The following TRPM3 variants were observed in gnomAD, a reference collection of about 807,000 sequenced individuals.
TRPM3 encodes the protein transient receptor potential cation channel subfamily M member 3, also known as long transient receptor potential channel 3.
TRPM3 carries 77 observed loss-of-function variants against 181.2 expected under a neutral mutation model. That is an observed-to-expected ratio of 0.42 (90% CI 0.35 to 0.51). The LOEUF (loss-of-function observed/expected upper bound fraction) is 0.51, where lower values mean the gene tolerates loss of function less well. Among genes scored for constraint, TRPM3 ranks in the 20% least tolerant of loss-of-function variants. The pLI is 0.01. For missense variants in TRPM3, 1,759 were observed against 2,196.7 expected (o/e 0.80, Z 3.98); for synonymous variants, 745 against 796.4 (o/e 0.94, Z 1.09).
At chr9:70,699,030 T>C (rs1011643358) in intron 8 of TRPM3, among the ~76,000 whole-genome samples, 1 of 152,178 alleles carries the variant, frequency 6.6e-6, no homozygotes, top group Non-Finnish European at 1.5e-5. Context: ...AAAACACACA[T>C]CCTCAGCAAA....
At chr9:70,894,213 G>T (rs1402678615) in intron 1 of TRPM3, among the ~76,000 whole-genome samples, 1 of 152,142 alleles carries the variant, frequency 6.6e-6, no homozygotes, top group Non-Finnish European at 1.5e-5. Context: ...GTGAATATGT[G>T]TCTATGAAAT....
intron 25 of TRPM3, among the ~76,000 whole-genome samples, chr9:70,545,110 T>C (rs2044489269): frequency 6.6e-6 from 1 of 152,198 alleles, no homozygotes; most frequent in South Asian, 2.1e-4. Context: ...CAAGAGGAGT[T>C]AAGTAAATTG....
intron 5 of TRPM3, 143 bp from the exon 6 acceptor site, chr9:70,828,161 T>C (rs1404910507): frequency 1.2e-6 from 1 of 816,650 alleles, no homozygotes; most frequent in Non-Finnish European, 1.9e-6. Context: ...TTCTTCTTAG[T>C]ATTGCTTTGG....
rs1046642693 is a variant in TRPM3 at position 71,341,269 on chromosome 9, C to T, written c.183+105384G>A. 3.3e-5 allele frequency among the ~76,000 whole-genome samples: 5 copies of T among 152,194 alleles called. No individual in the cohort carries two copies. The South Asian group carries it at 1.0e-3, about 32-fold the overall frequency. ...AGTGTAAGCAGAAACAGGCTATTTG[C>T]ATAAATCTCAAAGTATCCTACCCTA... On this transcript the variant is annotated intron_variant, in intron 1 of 24. Transcript: ENST00000357533.
chr9:70,684,258 A>G (rs891035615), intron 8 of TRPM3, among the ~76,000 whole-genome samples: 6 of 152,184 alleles, frequency 3.9e-5, no homozygotes, highest in Non-Finnish European at 7.3e-5. Flanking sequence ...AGGGTTTCTG[A>G]GGAAAGGGCC....
rs183336627 is a variant in TRPM3, at chr9:71,196,902, G to T, written c.183+249751C>A. On this transcript the variant is annotated intron_variant, in intron 1 of 24. Transcript: ENST00000357533. ...TTATTATTATACTTTAAGTTTTAGG[G>T]TACATGTGCACAATGTGCAGGTTAG... Among the ~76,000 whole-genome samples the T allele has an allele frequency of 4.2e-4, 63 of 151,716 alleles. 1 individual carries two copies. Among genetic ancestry groups the T allele is most frequent in the African/African-American group, 1.4e-3 (58 of 41,284 alleles).
intron 1 of TRPM3, among the ~76,000 whole-genome samples, chr9:71,306,478 C>T (rs1480798145): frequency 6.6e-6 from 1 of 152,138 alleles, no homozygotes; most frequent in Non-Finnish European, 1.5e-5. Flanking sequence ...TACTCTACTT[C>T]TCAGTTTGTC....
At chr9:70,598,770 C>T in intron 20 of TRPM3, 100 bp from the exon 21 acceptor site, 2 of 1,388,552 alleles carry the variant, frequency 1.4e-6, no homozygotes, top group Admixed American at 1.9e-5. Flanking sequence ...TAGTAGCTTG[C>T]TTTGTCTACC....
At chr9:70,788,986 C>A (rs147985690) in intron 6 of TRPM3, among the ~76,000 whole-genome samples, 9 of 152,222 alleles carry the variant, frequency 5.9e-5, no homozygotes, top group African/African-American at 2.2e-4. Flanking sequence ...GGACATGGAC[C>A]GGTACCAGTC....
At chr9:70,607,858 T>G (rs1458299898) in intron 19 of TRPM3, among the ~76,000 whole-genome samples, 1 of 152,226 alleles carries the variant, frequency 6.6e-6, no homozygotes, top group Non-Finnish European at 1.5e-5. Context: ...GAACCGATAG[T>G]CTCTCTCTGT....
chr9:70,626,398 T>C (rs1290819288), intron 12 of TRPM3, among the ~76,000 whole-genome samples: 1 of 152,108 alleles, frequency 6.6e-6, no homozygotes, highest in East Asian at 1.9e-4. Flanking sequence ...CTTAGATCTA[T>C]TTGGGACAGA....
intron 1 of TRPM3, among the ~76,000 whole-genome samples, chr9:71,239,970 T>C (rs537829868): frequency 1.3e-3 from 191 of 152,238 alleles, no homozygotes; most frequent in African/African-American, 4.3e-3. Flanking sequence ...CATTAGAAAA[T>C]GGAATTAATT....
intron 1 of TRPM3, among the ~76,000 whole-genome samples, chr9:71,170,090 A>G (rs2076775306): frequency 6.6e-6 from 1 of 151,876 alleles, no homozygotes; most frequent in South Asian, 2.1e-4. Context: ...AGATGGTGAG[A>G]GCTGCACAAT....
chr9:70,777,404 A>AT (rs932242259), intron 7 of TRPM3, among the ~76,000 whole-genome samples: 4 of 151,884 alleles, frequency 2.6e-5, no homozygotes, highest in South Asian at 2.1e-4. Context: ...ACTCTGGATA[A>AT]TTTTTTTTAA....
chr9:70,969,512 CTATTAA>C (rs143466822), intron 1 of TRPM3, among the ~76,000 whole-genome samples: 16,050 of 146,298 alleles, frequency 0.11, 1,016 homozygotes, highest in Non-Finnish European at 0.14. Flanking sequence ...ATAGCCAATA[CTATTAA>C]TATTAATTAT....
chr9:70,677,484 T>G (rs1213908537), intron 9 of TRPM3, among the ~76,000 whole-genome samples: 1 of 152,196 alleles, frequency 6.6e-6, no homozygotes, highest in African/African-American at 2.4e-5. Context: ...AGAACCCTCA[T>G]GGCCTAAGTC....
chr9:71,220,576 T>C (rs1036549977), intron 1 of TRPM3, among the ~76,000 whole-genome samples: 2 of 151,676 alleles, frequency 1.3e-5, no homozygotes, highest in African/African-American at 2.4e-5. Flanking sequence ...CAGTACAACT[T>C]AGAAAAAAAA....
chr9:71,250,610 A>G (rs1450938613), intron 1 of TRPM3, among the ~76,000 whole-genome samples: 1 of 152,192 alleles, frequency 6.6e-6, no homozygotes, highest in Non-Finnish European at 1.5e-5. Flanking sequence ...AAAATAGATA[A>G]GGATTCCTAG....
intron 1 of TRPM3, among the ~76,000 whole-genome samples, chr9:71,071,010 A>G (rs1010522756): frequency 1.3e-5 from 2 of 152,210 alleles, no homozygotes; most frequent in African/African-American, 4.8e-5. Flanking sequence ...CTCATCATAG[A>G]GGGCATGGGA....
Sources: allele counts gnomAD v4.1 joint callset (sites outside exome capture counted in the v4.1 genomes callset), GRCh38; gene constraint gnomAD v4.1.1; transcripts MANE v1.5; gene names NCBI Gene and HGNC (gene_info 2026-07-23, HGNC 2026-07-21).